Variants in CPN2 observed in about 807,000 individuals in gnomAD.
CPN2 encodes the protein carboxypeptidase N 83 kDa chain.
For missense variants in CPN2, 620 were observed against 671.4 expected, an observed-to-expected ratio of 0.92 and a Z score of 0.85; for synonymous variants, 336 against 318.4, an observed-to-expected ratio of 1.06 and a Z score of -0.59.
intron 1 of CPN2, among the ~76,000 whole-genome samples, chr3:194,347,201 T>G (rs575448841): frequency 9.1e-5 from 12 of 132,584 alleles, no homozygotes; most frequent in Admixed American, 2.8e-4. Context: ...TAAATGGGGT[T>G]TTTTTTTTTT....
intron 1 of CPN2, among the ~76,000 whole-genome samples, chr3:194,344,434 C>G (rs180964330): frequency 6.6e-6 from 1 of 152,232 alleles, no homozygotes; most frequent in Non-Finnish European, 1.5e-5. Flanking sequence ...CAGTGGCTCA[C>G]GCCTGTAATC....
In CPN2 at chr3:194,349,775, CTTCTTTTTTTTT is replaced by C. The variant is rs1560039936; in HGVS notation, c.-4+1455_-4+1466del. 1.1e-3 allele frequency among the ~76,000 whole-genome samples: 89 copies of C among 83,800 alleles called. 2 individuals are homozygous for C. Among genetic ancestry groups the C allele is most frequent in the African/African-American group, 3.8e-3 (84 of 21,848 alleles). 55.0% of individuals were successfully genotyped at this position (83,800 alleles called of 152,430 possible). The stretch of plus-strand genomic sequence containing the variant: ...CCCATGAAGCCTTCCTGACTACCCT[CTTCTTTTTTTTT>C]TTTTTTTTTTTTTTTTTTTTTTTTT... On this transcript the variant is annotated intron_variant, in intron 1 of 1. Coordinates refer to ENST00000323830, the MANE Select transcript of CPN2 (RefSeq NM_001080513.4).
chr3:194,342,109 C>G lies in CPN2; in HGVS notation c.594G>C (p.Leu198=), dbSNP rs1251025625. The G allele has an allele frequency of 2.5e-6, 4 of 1,614,008 alleles. No individual in the cohort carries two copies. The highest frequency in any genetic ancestry group is 3.4e-6 in the Non-Finnish European group (4 of 1,180,028). ...LFHPLTSLQT[L]KLSNNALSGL... ...CAGAGAGCGCGTTGTTGCTCAGCTT[C>G]AGGGTCTGCAGGCTGGTGAGTGGGT... Residue 198 remains leucine (L), a synonymous_variant, in exon 2 of 2, where the codon CTG becomes CTC. Coordinates refer to ENST00000323830, the MANE Select transcript of CPN2 (RefSeq NM_001080513.4).
intron 1 of CPN2, among the ~76,000 whole-genome samples, chr3:194,349,516 A>T (rs550673790): frequency 6.6e-6 from 1 of 152,212 alleles, no homozygotes; most frequent in Non-Finnish European, 1.5e-5. Context: ...CTAAATATTG[A>T]GATAAACATG....
chr3:194,346,259 G>A (rs891256252), intron 1 of CPN2, among the ~76,000 whole-genome samples: 3 of 152,242 alleles, frequency 2.0e-5, no homozygotes, highest in African/African-American at 7.2e-5. Context: ...CGGGGAGGCA[G>A]CCCACGGAGG....
intron 1 of CPN2, among the ~76,000 whole-genome samples, chr3:194,350,039 T>C (rs965751374): frequency 3.3e-5 from 5 of 152,002 alleles, no homozygotes; most frequent in Non-Finnish European, 7.4e-5. Flanking sequence ...TGACCTCAGG[T>C]GATCCGCCTG....
Position 194,341,468 on chromosome 3 carries a change from T to A in CPN2, c.1235A>T (p.Gln412Leu), listed in dbSNP as rs1264104954. ...HLAYLFNWLQ[Q>L]YTDRLLNIQT... is the part of the protein sequence containing the mutation. ...GATGTTCAGGAGCCGATCGGTGTAC[T>A]GCTGCAGCCAGTTGAAGAGGTAGGC... Residue 412 changes from glutamine to leucine, a missense_variant, in exon 2 of 2, where the codon CAG (glutamine) becomes CTG (leucine). Gln to Leu is a moderately radical substitution (Grantham distance 113). Coordinates refer to ENST00000323830, the MANE Select transcript of CPN2 (RefSeq NM_001080513.4). 1 of 1,614,082 alleles carries A rather than the reference T, an allele frequency of 6.2e-7. No homozygotes were observed. The highest frequency in any genetic ancestry group is 8.5e-7 in the Non-Finnish European group (1 of 1,180,034).
rs1307373728 is a variant in CPN2 at position 194,342,163 on chromosome 3, G to T, written c.540C>A (p.Leu180=). Residue 180 remains leucine, a synonymous_variant, in exon 2 of 2, where the codon CTC becomes CTA. Transcript: ENST00000323830. The part of the protein sequence containing the change: ...HLKTLNLAQN[L]LAQLPEELFH... ...ACAGCTCCTCCGGGAGCTGGGCCAG[G>T]AGGTTCTGGGCCAGGTTGAGTGTCT... 3.1e-6 allele frequency: 5 copies of T among 1,614,130 alleles called. No individual in the cohort carries two copies. The highest frequency in any genetic ancestry group is 3.4e-6 in the Non-Finnish European group (4 of 1,179,980).
At chr3:194,344,569 T>C (rs929424249) in intron 1 of CPN2, among the ~76,000 whole-genome samples, 6 of 152,096 alleles carry the variant, frequency 3.9e-5, no homozygotes, top group African/African-American at 1.2e-4. Context: ...GTGGTGCACA[T>C]CTGTAATCCC....
Position 194,341,345 on chromosome 3 carries a change from C to T in CPN2, c.1358G>A (p.Gly453Asp). 1 of 1,613,942 alleles carries T rather than the reference C, an allele frequency of 6.2e-7. No homozygotes were observed. Among genetic ancestry groups the T allele is most frequent in the Non-Finnish European group, 8.5e-7 (1 of 1,180,040 alleles). Residue 453 changes from glycine (G) to aspartate (D), a missense_variant, in exon 2 of 2, where the codon GGC becomes GAC. Gly to Asp is a moderately conservative substitution (Grantham distance 94, BLOSUM62 -1). Coordinates refer to ENST00000323830, the MANE Select transcript of CPN2 (RefSeq NM_001080513.4). ...TTCGTCCGGCCACGTGACCTGGAAG[C>T]CCAAGTGGTCCCGGGTGACGGGACA... ...LVCPVTRDHL[G>D]FQVTWPDESK...
In CPN2 at chr3:194,341,427, C is replaced by T; in HGVS notation, c.1276G>A (p.Gly426Ser). The T allele has an allele frequency of 1.2e-6, 2 of 1,614,172 alleles. No homozygotes were observed. The highest frequency in any genetic ancestry group is 2.2e-5 in the South Asian group (2 of 91,074). The change falls in exon 2 of 2, where the codon GGC becomes AGC. Residue 426 changes from glycine to serine, a missense_variant. Gly to Ser is a moderately conservative substitution (Grantham distance 56). Transcript: ENST00000323830. ...RLLNIQTYCA[G>S]PAYLKGQVVP... Reference sequence around the variant, plus strand: ...ACCTGGCCTTTGAGGTAGGCAGGGCCAGCGCAGTAGGTCTGGATGTTCAGG... The same window carrying T: ...ACCTGGCCTTTGAGGTAGGCAGGGCTAGCGCAGTAGGTCTGGATGTTCAGG...
intron 1 of CPN2, among the ~76,000 whole-genome samples, chr3:194,349,024 T>C (rs978010652): frequency 2.6e-5 from 4 of 152,146 alleles, no homozygotes; most frequent in African/African-American, 9.7e-5. Context: ...ATTTTTAAGG[T>C]GTATTTGTAC....
At chr3:194,346,541 G>A (rs1017098772) in intron 1 of CPN2, among the ~76,000 whole-genome samples, 6 of 152,196 alleles carry the variant, frequency 3.9e-5, no homozygotes, top group Non-Finnish European at 8.8e-5. Flanking sequence ...ACTCGGGAGT[G>A]GCTACGAGTC....
intron 1 of CPN2, among the ~76,000 whole-genome samples, chr3:194,349,698 C>T (rs1442376623): frequency 6.7e-6 from 1 of 149,310 alleles, no homozygotes; most frequent in African/African-American, 2.5e-5. Flanking sequence ...GGGCACTATG[C>T]GACCCTCCCA....
In CPN2 at chr3:194,341,490, A is replaced by T; in HGVS notation, c.1213T>A (p.Tyr405Asn). The T allele has an allele frequency of 6.2e-7, 1 of 1,614,194 alleles. No homozygotes were observed. The highest frequency in any genetic ancestry group is 8.5e-7 in the Non-Finnish European group (1 of 1,180,012). Residue 405 changes from tyrosine (Y) to asparagine (N), a missense_variant, in exon 2 of 2, where the codon TAC becomes AAC. Transcript: ENST00000323830. Reference sequence around the variant, plus strand: ...TACTGCTGCAGCCAGTTGAAGAGGTAGGCCAGGTGGCAGTCGCACTGCCAG... The same window carrying T: ...TACTGCTGCAGCCAGTTGAAGAGGTTGGCCAGGTGGCAGTCGCACTGCCAG... Reference protein sequence around the residue: ...NPWQCDCHLAYLFNWLQQYTD... With the variant: ...NPWQCDCHLANLFNWLQQYTD...
intron 1 of CPN2, among the ~76,000 whole-genome samples, chr3:194,349,127 G>A (rs1046589448): frequency 6.6e-6 from 1 of 152,182 alleles, no homozygotes; most frequent in Non-Finnish European, 1.5e-5. Flanking sequence ...TTGGGAGGCT[G>A]AGGCGGGAGC....
rs1375021065 is a variant in CPN2, at chr3:194,341,000, C to T, written c.*65G>A. Reference sequence around the variant, plus strand: ...AGGCTTCGGAGACTCAGCTCCCCTCCGCCCCTACCTGTCGCCTGGTCAGGC... The same window carrying T: ...AGGCTTCGGAGACTCAGCTCCCCTCTGCCCCTACCTGTCGCCTGGTCAGGC... On this transcript the variant is annotated 3_prime_UTR_variant, in exon 2 of 2. Transcript: ENST00000323830. The T allele has an allele frequency of 1.4e-5, 21 of 1,493,436 alleles. No homozygotes were observed. Among genetic ancestry groups the T allele is most frequent in the Admixed American group, 1.1e-4 (5 of 44,298 alleles). The allele number at this position is 1,493,436 out of a possible 1,614,324, so 92.5% of individuals were successfully genotyped here. A position where few individuals can be genotyped will look rare whatever the true frequency, so the allele number is the denominator to read the frequency against.
At chr3:194,344,437 C>T (rs976484837) in intron 1 of CPN2, among the ~76,000 whole-genome samples, 1 of 152,254 alleles carries the variant, frequency 6.6e-6, no homozygotes, top group Non-Finnish European at 1.5e-5. Flanking sequence ...TGGCTCACGC[C>T]TGTAATCCCA....
chr3:194,340,764 G>A lies in CPN2; in HGVS notation c.*301C>T, dbSNP rs1170812044. 5.6e-6 allele frequency: 2 copies of A among 356,660 alleles called. No homozygotes were observed. Among genetic ancestry groups the A allele is most frequent in the Admixed American group, 4.2e-5 (1 of 23,924 alleles). 22.1% of individuals were successfully genotyped at this position (356,660 alleles called of 1,614,324 possible). A position where few individuals can be genotyped will look rare whatever the true frequency, so the allele number is the denominator to read the frequency against. ...GAGAGCGGTTGGGTGTTACATAATGGGGAGGCATCAGGGCTGAGGATATTT... is the reference window on the plus strand; with the variant it reads ...GAGAGCGGTTGGGTGTTACATAATGAGGAGGCATCAGGGCTGAGGATATTT... On this transcript the variant is annotated 3_prime_UTR_variant, in exon 2 of 2. Transcript: ENST00000323830.
Sources: allele counts gnomAD v4.1 joint callset (sites outside exome capture counted in the v4.1 genomes callset), GRCh38; gene constraint gnomAD v4.1.1; transcripts MANE v1.5; gene names NCBI Gene and HGNC (gene_info 2026-07-23, HGNC 2026-07-21).